The following PSD3 variants were observed in gnomAD, a reference collection of about 807,000 sequenced individuals.
The protein encoded by PSD3 is PH and SEC7 domain-containing protein 3.
A neutral mutation model predicts 105.5 loss-of-function variants in PSD3; 49 were observed. The observed-to-expected ratio is 0.46, with a 90% CI of 0.37 to 0.59. PSD3 has a LOEUF of 0.59. PSD3 is among the 20% of genes least tolerant of loss of function. The pLI, the probability that PSD3 is intolerant of heterozygous loss-of-function variation, is 0.00. For missense variants in PSD3, 1,561 were observed against 1,263.8 expected (o/e 1.24, Z -3.57); for synonymous variants, 557 against 457.8 (o/e 1.22, Z -2.77).
chr8:18,918,715 T>A (rs532433027), intron 2 of PSD3, among the ~76,000 whole-genome samples: 1 of 152,302 alleles, frequency 6.6e-6, no homozygotes, highest in African/African-American at 2.4e-5. Context: ...GTGAATAATG[T>A]GTGGGTTTCC....
chr8:18,846,457 T>A (rs1318711580), intron 4 of PSD3, among the ~76,000 whole-genome samples: 1 of 152,160 alleles, frequency 6.6e-6, no homozygotes, highest in African/African-American at 2.4e-5. Flanking sequence ...GGAAACATGT[T>A]CCTTGTGAAG....
intron 10 of PSD3, among the ~76,000 whole-genome samples, chr8:18,649,381 GT>G (rs1329103944): frequency 6.6e-6 from 1 of 152,212 alleles, no homozygotes; most frequent in Admixed American, 6.5e-5. Flanking sequence ...TCCTGCCGGG[GT>G]TTCGGACTTG....
At chr8:18,831,870 GTAATT>G (rs1813707095) in intron 4 of PSD3, among the ~76,000 whole-genome samples, 2 of 152,006 alleles carry the variant, frequency 1.3e-5, no homozygotes, top group Non-Finnish European at 2.9e-5. Context: ...AGTTCAGTGT[GTAATT>G]TATAGTAACA....
At chr8:18,936,635 G>A (rs1322831153) in intron 1 of PSD3, among the ~76,000 whole-genome samples, 4 of 151,876 alleles carry the variant, frequency 2.6e-5, no homozygotes, top group African/African-American at 9.7e-5. Context: ...GGTGGTTCCT[G>A]TAATCTCAGC....
intron 1 of PSD3, among the ~76,000 whole-genome samples, chr8:18,982,022 A>AC (rs1280012598): frequency 6.6e-6 from 1 of 152,146 alleles, no homozygotes; most frequent in Non-Finnish European, 1.5e-5. Context: ...CATCTTACCC[A>AC]CAGTAGAGCT....
intron 2 of PSD3, among the ~76,000 whole-genome samples, chr8:18,904,098 T>G (rs1305394514): frequency 6.6e-6 from 1 of 152,130 alleles, no homozygotes. Context: ...AGCATTTGCT[T>G]CTGGTCAGGA....
intron 2 of PSD3, among the ~76,000 whole-genome samples, chr8:18,904,772 C>G (rs559541251): frequency 2.0e-5 from 3 of 152,164 alleles, no homozygotes; most frequent in Non-Finnish European, 2.9e-5. Flanking sequence ...TACATAAACA[C>G]GCAACTTTGC....
At chr8:18,699,575 G>A (rs192930024) in intron 9 of PSD3, among the ~76,000 whole-genome samples, 186 of 152,214 alleles carry the variant, frequency 1.2e-3, no homozygotes, top group African/African-American at 4.1e-3. Flanking sequence ...TCACTTGACC[G>A]AATACTCTAT....
intron 12 of PSD3, among the ~76,000 whole-genome samples, chr8:18,575,833 C>T (rs1487757884): frequency 6.6e-6 from 1 of 152,140 alleles, no homozygotes; most frequent in East Asian, 1.9e-4. Flanking sequence ...TCCAGCTCTT[C>T]TGCTGAAAGA....
intron 4 of PSD3, among the ~76,000 whole-genome samples, chr8:18,811,310 T>A (rs1166130082): frequency 6.6e-6 from 1 of 152,192 alleles, no homozygotes; most frequent in East Asian, 1.9e-4. Flanking sequence ...ACTATCCATT[T>A]TGCTCCTGCC....
At chr8:18,982,797 A>AT (rs1825307382) in intron 1 of PSD3, among the ~76,000 whole-genome samples, 2 of 152,336 alleles carry the variant, frequency 1.3e-5, no homozygotes, top group South Asian at 4.1e-4. Context: ...TGGTAGTTAC[A>AT]TTTATAGAGC....
At chr8:18,900,593 G>A (rs1819440411) in intron 2 of PSD3, among the ~76,000 whole-genome samples, 1 of 148,952 alleles carries the variant, frequency 6.7e-6, no homozygotes, top group Non-Finnish European at 1.5e-5. Flanking sequence ...AAGGTTTATA[G>A]TAGTGAACTA....
chr8:18,983,367 C>T (rs1034550321), intron 1 of PSD3, among the ~76,000 whole-genome samples: 2 of 152,168 alleles, frequency 1.3e-5, no homozygotes, highest in Admixed American at 1.3e-4. Flanking sequence ...TGAAGAAGCA[C>T]TTTGAATTTC....
rs1382861049 is a variant in PSD3 at position 18,936,117 on chromosome 8, T to C, written c.47A>G (p.Asn16Ser). 1.1e-5 allele frequency: 17 copies of C among 1,612,730 alleles called. No individual in the cohort carries two copies. The highest frequency in any genetic ancestry group is 2.7e-5 in the African/African-American group (2 of 74,928). The change falls in exon 2 of 16, where the codon AAT becomes AGT. Residue 16 changes from asparagine to serine, a missense_variant. Asn to Ser is a conservative substitution (Grantham distance 46). Transcript: ENST00000327040. ...AAAETFVWVN[N>S]ASAHSQSVAK... ...AACACTCTGGGAATGTGCAGATGCA[T>C]TGTTCACCCAAACAAATGTCTCTGC...
At chr8:18,858,214 A>G (rs181310025) in intron 4 of PSD3, among the ~76,000 whole-genome samples, 3 of 152,334 alleles carry the variant, frequency 2.0e-5, no homozygotes, top group East Asian at 3.9e-4. Context: ...TCTGGTGCCT[A>G]TAAGAGTTAG....
intron 1 of PSD3, among the ~76,000 whole-genome samples, chr8:19,080,979 C>T (rs973218909): frequency 7.2e-5 from 11 of 152,146 alleles, no homozygotes; most frequent in Non-Finnish European, 1.5e-4. Context: ...CTTTTCCCCC[C>T]TGTCTTTTGA....
At chr8:18,804,656 A>C in intron 5 of PSD3, 48 bp downstream of exon 5, 1 of 1,611,738 alleles carries the variant, frequency 6.2e-7, no homozygotes, top group Non-Finnish European at 8.5e-7. Flanking sequence ...TTTAAAACAC[A>C]CACAAAACAG....
intron 9 of PSD3, among the ~76,000 whole-genome samples, chr8:18,665,380 C>T (rs1461412512): frequency 6.6e-6 from 1 of 152,200 alleles, no homozygotes; most frequent in African/African-American, 2.4e-5. Flanking sequence ...GTGGTGGAAA[C>T]AGTAACACAG....
At position 18,655,687 on chromosome 8, in the gene PSD3, T is replaced by G. The variant is rs1480363219; in HGVS notation, c.2173-2A>C. On this transcript the variant is annotated splice_acceptor_variant, in intron 9 of 15. Coordinates refer to ENST00000327040, the MANE Select transcript of PSD3 (RefSeq NM_015310.4). LOFTEE classifies it high-confidence loss of function. ...ATTCTTGATTGAGTTGTACAGAGCCTGTAAAGAGAGAAAATGAGATCACAT... is the reference window on the plus strand; with the variant it reads ...ATTCTTGATTGAGTTGTACAGAGCCGGTAAAGAGAGAAAATGAGATCACAT... 1 of 1,613,038 alleles carries G rather than the reference T, an allele frequency of 6.2e-7. No individual in the cohort carries two copies. The highest frequency in any genetic ancestry group is 1.1e-5 in the South Asian group (1 of 91,036).
Sources: gnomAD v4.1 joint callset for allele counts (sites outside exome capture counted in the v4.1 genomes callset) on GRCh38, gnomAD v4.1.1 for gene constraint, MANE v1.5 for transcripts, NCBI Gene and HGNC (gene_info 2026-07-23, HGNC 2026-07-21) for gene names.